The following DISC1 variants were observed in gnomAD, a reference collection of about 807,000 sequenced individuals.
The protein encoded by DISC1 is DISC1 scaffold protein.
In DISC1, 57 loss-of-function variants were observed where a neutral mutation model predicts 84.5. The ratio of observed to expected loss-of-function variants is 0.67; its 90% CI spans 0.55 to 0.84. The LOEUF (loss-of-function observed/expected upper bound fraction) is 0.84, where lower values mean the gene tolerates loss of function less well. DISC1 is among the 40% of genes least tolerant of loss of function. The pLI is 0.00. For missense variants in DISC1, 1,000 were observed against 1,057.8 expected (o/e 0.95, Z 0.76); for synonymous variants, 411 against 415.2 (o/e 0.99, Z 0.12).
chr1:231,959,665 G>T (rs889146216), intron 10 of DISC1, among the ~76,000 whole-genome samples: 1 of 152,212 alleles, frequency 6.6e-6, no homozygotes, highest in Non-Finnish European at 1.5e-5. Context: ...GAGAGGGCCT[G>T]CCTTGCAGAG....
At chr1:231,657,711 C>G (rs1050194092) in intron 1 of DISC1, among the ~76,000 whole-genome samples, 1 of 152,124 alleles carries the variant, frequency 6.6e-6, no homozygotes, top group East Asian at 1.9e-4. Flanking sequence ...CTAGCCAGCT[C>G]TCTCAGCACC....
intron 11 of DISC1, among the ~76,000 whole-genome samples, chr1:232,019,363 T>A (rs1353618201): frequency 1.3e-5 from 2 of 152,108 alleles, no homozygotes; most frequent in Non-Finnish European, 2.9e-5. Context: ...AGGAAAAAAA[T>A]AATAATTTGA....
At position 232,039,947 on chromosome 1, in the gene DISC1, AC is replaced by A. The variant is rs1422000668; in HGVS notation, c.*3117del. 1 of 127,756 alleles carries A rather than the reference AC, an allele frequency of 7.8e-6. No homozygotes were observed. The highest frequency in any genetic ancestry group is 1.6e-5 in the Non-Finnish European group (1 of 61,484). 7.9% of individuals were successfully genotyped at this position (127,756 alleles called of 1,614,324 possible). ...TTTTCTTTCACTGGCCTGAGTTAGG[AC>A]ATGCTATCAGTAATAGTCCCAGTTC... On this transcript the variant is annotated 3_prime_UTR_variant, in exon 13 of 13. Transcript: ENST00000439617.
chr1:231,906,823 A>G (rs1008593809), intron 9 of DISC1, among the ~76,000 whole-genome samples: 2 of 151,996 alleles, frequency 1.3e-5, no homozygotes, highest in African/African-American at 4.8e-5. Context: ...AGGAAGCACA[A>G]GAAGAAAGGA....
At chr1:231,876,926 G>C (rs2085926769) in intron 9 of DISC1, among the ~76,000 whole-genome samples, 1 of 152,144 alleles carries the variant, frequency 6.6e-6, no homozygotes. Flanking sequence ...GTGTGTACAG[G>C]GTGCCCACTG....
chr1:231,713,736 CATATATATAGGAG>C (rs2068222054), intron 3 of DISC1, among the ~76,000 whole-genome samples: 1 of 114,258 alleles, frequency 8.8e-6, no homozygotes. Context: ...GAGATATATA[CATATATATAGGAG>C]ATATATATAT....
In DISC1 at chr1:231,630,322, A is replaced by T. The variant is rs1449984795; in HGVS notation, c.67+3388A>T. ...GGGTCATTAGACCAGAATTAGAATC[A>T]TTCTTTTTTTTTCTTTTTTTAATTA... On this transcript the variant is annotated intron_variant, in intron 1 of 12. Transcript: ENST00000439617. The surrounding 1 kb of genome is among the most constrained non-coding windows in gnomAD (Gnocchi z 4.4). 6.6e-6 allele frequency among the ~76,000 whole-genome samples: 1 copy of T among 152,110 alleles called. No homozygotes were observed. Among genetic ancestry groups the T allele is most frequent in the Non-Finnish European group, 1.5e-5 (1 of 68,022 alleles).
chr1:231,815,475 A>G (rs1245720242), intron 8 of DISC1, among the ~76,000 whole-genome samples: 1 of 152,158 alleles, frequency 6.6e-6, no homozygotes, highest in Non-Finnish European at 1.5e-5. Flanking sequence ...GCGGTGGCTC[A>G]CGCCTGTAAT....
intron 3 of DISC1, chr1:231,723,758 G>C (rs1429633780): frequency 2.0e-6 from 2 of 985,336 alleles, no homozygotes; most frequent in African/African-American, 3.5e-5. Flanking sequence ...CACTGGGACT[G>C]TTGGGGTGAG....
intron 9 of DISC1, among the ~76,000 whole-genome samples, chr1:231,834,902 C>T (rs533931722): frequency 2.0e-5 from 3 of 152,340 alleles, no homozygotes; most frequent in East Asian, 3.9e-4. Flanking sequence ...CAAGCGAAGA[C>T]TGTCTTCCCG....
intron 4 of DISC1, among the ~76,000 whole-genome samples, chr1:231,759,565 ATG>A (rs2075464990): frequency 6.6e-6 from 1 of 150,528 alleles, no homozygotes; most frequent in Non-Finnish European, 1.5e-5. Flanking sequence ...AACTAGCCAA[ATG>A]CGGTGGTGCG....
rs142645368 is a variant in DISC1 at position 231,767,181 on chromosome 1, C to T, written c.1310C>T (p.Pro437Leu). The part of the protein sequence containing the change: ...DDTHTPLRME[P>L]RLLEPTAQDS... ...ACCCACACCCCACTGAGAATGGAGC[C>T]GAGGCTGTTGGAACCCACTGCTCAG... is the stretch of plus-strand genomic sequence containing the variant. Residue 437 changes from proline to leucine, a missense_variant, in exon 5 of 13, where the codon CCG becomes CTG. Transcript: ENST00000439617. The T allele has an allele frequency of 9.4e-5, 151 of 1,614,086 alleles. No individual in the cohort carries two copies. Among genetic ancestry groups the T allele is most frequent in the South Asian group, 5.6e-4 (51 of 91,080 alleles).
At chr1:232,028,463 A>T (rs1348030084) in intron 12 of DISC1, among the ~76,000 whole-genome samples, 2 of 152,174 alleles carry the variant, frequency 1.3e-5, no homozygotes, top group Non-Finnish European at 2.9e-5. Context: ...ACCCCTGAAA[A>T]ACAAGGGGTT....
At chr1:231,863,537 A>C (rs568071727) in intron 9 of DISC1, among the ~76,000 whole-genome samples, 46 of 152,188 alleles carry the variant, frequency 3.0e-4, no homozygotes, top group African/African-American at 1.0e-3. Context: ...GGCCTAAAAC[A>C]TTCTTTTAAC....
intron 9 of DISC1, among the ~76,000 whole-genome samples, chr1:231,904,650 G>A (rs1415639980): frequency 2.6e-5 from 4 of 152,102 alleles, no homozygotes; most frequent in African/African-American, 7.2e-5. Context: ...GAGTCTGGGA[G>A]CAATGACATC....
chr1:231,744,068 C>T (rs1327955126), intron 3 of DISC1, among the ~76,000 whole-genome samples: 1 of 152,182 alleles, frequency 6.6e-6, no homozygotes, highest in Non-Finnish European at 1.5e-5. Context: ...TTAATTTAGA[C>T]TTGAGTCTTA....
intron 6 of DISC1, chr1:231,771,623 A>C (rs529786244): frequency 1.7e-4 from 167 of 983,298 alleles, no homozygotes; most frequent in Non-Finnish European, 1.9e-4. Flanking sequence ...GTGAGGAAAA[A>C]CGTTTAAGAA....
At chr1:231,889,659 C>G (rs149040907) in intron 9 of DISC1, among the ~76,000 whole-genome samples, 3 of 152,302 alleles carry the variant, frequency 2.0e-5, no homozygotes, top group Non-Finnish European at 4.4e-5. Flanking sequence ...AGTGATCCCA[C>G]TGGATCTCAG....
intron 11 of DISC1, among the ~76,000 whole-genome samples, chr1:232,011,072 C>T (rs1419396453): frequency 6.6e-6 from 1 of 152,102 alleles, no homozygotes; most frequent in African/African-American, 2.4e-5. Context: ...TCCCTTTCTC[C>T]CTCCTTCTCT....
Sources: allele counts gnomAD v4.1 joint callset (sites outside exome capture counted in the v4.1 genomes callset), GRCh38; gene constraint gnomAD v4.1.1; non-coding constraint Gnocchi (gnomAD v3.1); transcripts MANE v1.5; gene names NCBI Gene and HGNC (gene_info 2026-07-23, HGNC 2026-07-21).